MTA1: variants seen among roughly 807,000 people sequenced by gnomAD.
The protein encoded by MTA1 is metastasis associated 1.
A neutral mutation model predicts 97.0 loss-of-function variants in MTA1; 15 were observed. The ratio of observed to expected loss-of-function variants is 0.15; its 90% CI spans 0.10 to 0.24. The LOEUF (loss-of-function observed/expected upper bound fraction) is 0.24. Ranked by LOEUF, MTA1 falls within the 10% of genes least tolerant of loss-of-function variation. The probability of loss-of-function intolerance (pLI) is 1.00; values close to 1 mark genes in which losing one functional copy is unlikely to be tolerated. For missense variants in MTA1, 709 were observed against 1,015.1 expected (o/e 0.70, Z 4.10); for synonymous variants, 435 against 417.5 (o/e 1.04, Z -0.51).
rs782664912 is a variant in MTA1 at position 105,445,467 on chromosome 14, G to A, written c.146G>A (p.Arg49Gln). ...EAKVVCFYRR[R>Q]DISSTLIALA... Reference sequence around the variant, plus strand: ...AAAGTGGTGTGCTTCTACCGGAGGCGGGACATCTCCAGCACCCTCATCGCC... The same window carrying A: ...AAAGTGGTGTGCTTCTACCGGAGGCAGGACATCTCCAGCACCCTCATCGCC... The change falls in exon 3 of 21, where the codon CGG (arginine) becomes CAG (glutamine). Residue 49 changes from arginine (R) to glutamine (Q), a missense_variant. Coordinates refer to ENST00000331320, the MANE Select transcript of MTA1 (RefSeq NM_004689.4). The A allele has an allele frequency of 3.7e-6, 6 of 1,613,556 alleles. No homozygotes were observed. The highest frequency in any genetic ancestry group is 2.7e-5 in the African/African-American group (2 of 74,926).
chr14:105,429,697 C>T (rs1373100548), intron 1 of MTA1, among the ~76,000 whole-genome samples: 4 of 151,400 alleles, frequency 2.6e-5, no homozygotes, highest in Admixed American at 2.0e-4. Context: ...TTGTGATCCA[C>T]CTGCCTCAGC....
chr14:105,449,986 G>A, intron 4 of MTA1, 72 bp from the exon 5 acceptor site: 2 of 1,601,436 alleles, frequency 1.2e-6, no homozygotes, highest in Non-Finnish European at 1.7e-6. Flanking sequence ...CGCCAGGTGG[G>A]GCTGGTGGGG....
chr14:105,449,920 A>T (rs1254936239), intron 4 of MTA1, 138 bp from the exon 5 acceptor site: 36 of 1,266,512 alleles, frequency 2.8e-5, no homozygotes, highest in Non-Finnish European at 3.7e-5. Context: ...GCAGTGGGAC[A>T]GTGTCCGGCA....
chr14:105,438,815 A>G lies in MTA1; in HGVS notation c.96+76A>G, dbSNP rs114784386. ...GCCAGCTCCTGCCCTGTGGGTGGCC[A>G]GTGTGGGTGGCCCCCTTTCGGGGCT... On this transcript the variant is annotated intron_variant, in intron 2 of 20. Transcript: ENST00000331320. The G allele has an allele frequency of 7.3e-6, 11 of 1,509,456 alleles. No individual in the cohort carries two copies. In the African/African-American group the frequency reaches 8.3e-5, roughly 11 times the overall value. The allele number at this position is 1,509,456 out of a possible 1,614,324, so 93.5% of individuals were successfully genotyped here.
chr14:105,434,640 G>A (rs1306364981), intron 1 of MTA1, among the ~76,000 whole-genome samples: 1 of 151,722 alleles, frequency 6.6e-6, no homozygotes, highest in African/African-American at 2.4e-5. Flanking sequence ...CTGGGATTAC[G>A]GGCATACACC....
At chr14:105,429,103 C>A (rs587721361) in intron 1 of MTA1, among the ~76,000 whole-genome samples, 10 of 152,294 alleles carry the variant, frequency 6.6e-5, no homozygotes, top group African/African-American at 2.4e-4. Flanking sequence ...TCAGATTTTT[C>A]TTCTGCAGCC....
In MTA1 at chr14:105,422,439, C is replaced by G. The variant is rs587604457; in HGVS notation, c.28+2376C>G. Among the ~76,000 whole-genome samples the G allele has an allele frequency of 8.9e-4, 136 of 152,266 alleles. No individual in the cohort carries two copies. Among genetic ancestry groups the G allele is most frequent in the African/African-American group, 3.2e-3 (133 of 41,554 alleles). ...GCCGGCTGCCTGGCACGGGCTCCAT[C>G]TGGGTGGCCAGTCCTGGCCTGTGGG... On this transcript the variant is annotated intron_variant, in intron 1 of 20. Coordinates refer to ENST00000331320, the MANE Select transcript of MTA1 (RefSeq NM_004689.4). This position sits in a 1 kb window ranked among gnomAD's most constrained non-coding sequence, Gnocchi z 4.3.
rs2083437780 is a variant in MTA1 at position 105,463,401 on chromosome 14, G to GT, written c.1018-91dup. On this transcript the variant is annotated intron_variant, in intron 11 of 20. Transcript: ENST00000331320. This position sits in a 1 kb window ranked among gnomAD's most constrained non-coding sequence, Gnocchi z 5.9. ...CCCTGGCCCGGCTGTCCTCTCCGTGGTGCTCTCCTCTCCGTAGCCTCCAGC... is the reference window on the plus strand; with the variant it reads ...CCCTGGCCCGGCTGTCCTCTCCGTGGTTGCTCTCCTCTCCGTAGCCTCCAGC... 5.3e-6 allele frequency: 8 copies of GT among 1,521,712 alleles called. No individual in the cohort carries two copies. Among genetic ancestry groups the GT allele is most frequent in the Admixed American group, 5.0e-5 (3 of 59,462 alleles). The allele number at this position is 1,521,712 out of a possible 1,614,324, so 94.3% of individuals were successfully genotyped here.
chr14:105,457,831 A>G (rs1401848005), intron 7 of MTA1, among the ~76,000 whole-genome samples: 1 of 152,150 alleles, frequency 6.6e-6, no homozygotes, highest in East Asian at 1.9e-4. Context: ...AGGCTGAGGC[A>G]GGAGAATCGC....
At chr14:105,455,529 A>G (rs1488380889) in intron 7 of MTA1, among the ~76,000 whole-genome samples, 1 of 152,138 alleles carries the variant, frequency 6.6e-6, no homozygotes, top group Non-Finnish European at 1.5e-5. Context: ...AGTTGTGATC[A>G]AGGCGTTTCG....
intron 14 of MTA1, 30 bp from the exon 15 acceptor site, chr14:105,464,644 G>T: frequency 6.2e-7 from 1 of 1,605,588 alleles, no homozygotes; most frequent in East Asian, 2.2e-5. Context: ...TCATGGCGCT[G>T]TGTTGGGGCG....
In MTA1 at chr14:105,454,295, G is replaced by A. The variant is rs782806668; in HGVS notation, c.535G>A (p.Asp179Asn). 6.2e-6 allele frequency: 10 copies of A among 1,612,864 alleles called. No individual in the cohort carries two copies. The East Asian group carries it at 6.7e-5, about 11-fold the overall frequency. Residue 179 changes from aspartate to asparagine, a missense_variant, in exon 7 of 21, where the codon GAC (aspartate) becomes AAC (asparagine). Coordinates refer to ENST00000331320, the MANE Select transcript of MTA1 (RefSeq NM_004689.4). The stretch of plus-strand genomic sequence containing the variant: ...AAACCGGTACCAGGCAGACATCACC[G>A]ACTTGTTAAAAGAAGGTAGGGTGGG... The part of the protein sequence containing the change: ...VGNRYQADIT[D>N]LLKEGEEDGR...
intron 6 of MTA1, among the ~76,000 whole-genome samples, chr14:105,450,562 T>TG (rs1442150482): frequency 6.6e-6 from 1 of 152,172 alleles, no homozygotes; most frequent in Non-Finnish European, 1.5e-5. Context: ...TCTTTCCTCT[T>TG]GCCACTGCCA....
rs782670127 is a variant in MTA1 at position 105,450,295 on chromosome 14, G to A, written c.403G>A (p.Glu135Lys). 6.2e-7 allele frequency: 1 copy of A among 1,607,592 alleles called. No homozygotes were observed. Among genetic ancestry groups the A allele is most frequent in the Non-Finnish European group, 8.5e-7 (1 of 1,175,492 alleles). ...KCSVTLLNET[E>K]SLKSYLERED... Reference sequence around the variant, plus strand: ...CAGCGTCACCCTGCTCAACGAGACCGAGTCGCTCAAGTCCTACCTGGAGCG... The same window carrying A: ...CAGCGTCACCCTGCTCAACGAGACCAAGTCGCTCAAGTCCTACCTGGAGCG... Residue 135 changes from glutamate (E) to lysine (K), a missense_variant, in exon 6 of 21, where the codon GAG (glutamate) becomes AAG (lysine). Physicochemically the swap from Glu to Lys is moderately conservative, Grantham distance 56 (BLOSUM62 1). This residue lies in a region of MTA1 where 321 missense variants were observed against 593.5 expected (regional missense o/e 0.54). Coordinates refer to ENST00000331320, the MANE Select transcript of MTA1 (RefSeq NM_004689.4).
At chr14:105,440,795 G>C (rs1348476562) in intron 2 of MTA1, among the ~76,000 whole-genome samples, 1 of 152,260 alleles carries the variant, frequency 6.6e-6, no homozygotes, top group African/African-American at 2.4e-5. Context: ...CCGCAGGCCT[G>C]CGACAGAGTG....
rs2083342223 is a variant in MTA1 at position 105,461,412 on chromosome 14, G to T, written c.942+459G>T. 2.0e-5 allele frequency among the ~76,000 whole-genome samples: 3 copies of T among 152,300 alleles called. No individual in the cohort carries two copies. The South Asian group carries it at 6.2e-4, about 32-fold the overall frequency. ...GCCTAGAGAGTCTTCATGGCGTGGG[G>T]TCTCCCTTCCCTGTACCTCCACCTC... On this transcript the variant is annotated intron_variant, in intron 10 of 20. Transcript: ENST00000331320.
chr14:105,461,218 A>G (rs1389086638), intron 10 of MTA1, among the ~76,000 whole-genome samples: 1 of 152,148 alleles, frequency 6.6e-6, no homozygotes, highest in Non-Finnish European at 1.5e-5. Flanking sequence ...CGTGATGAGG[A>G]TAAGGGTTGG....
intron 8 of MTA1, among the ~76,000 whole-genome samples, chr14:105,458,879 G>A (rs2083252923): frequency 6.6e-6 from 1 of 152,230 alleles, no homozygotes; most frequent in South Asian, 2.1e-4. Flanking sequence ...GGGTTCTGGG[G>A]TGGGTGCCGG....
chr14:105,453,843 T>G (rs1201042422), intron 6 of MTA1, among the ~76,000 whole-genome samples: 2 of 152,150 alleles, frequency 1.3e-5, no homozygotes, highest in Admixed American at 1.3e-4. Flanking sequence ...AGTCATGGTT[T>G]TTGGGCTGTA....
Sources: gnomAD v4.1 joint callset for allele counts (sites outside exome capture counted in the v4.1 genomes callset) on GRCh38, gnomAD v4.1.1 for gene constraint, gnomAD v4.1.1 regional missense constraint, Gnocchi (gnomAD v3.1) non-coding constraint, MANE v1.5 for transcripts, NCBI Gene and HGNC (gene_info 2026-07-23, HGNC 2026-07-21) for gene names.